Variants in RRM2B observed in about 807,000 individuals in gnomAD.
RRM2B encodes the protein ribonucleoside-diphosphate reductase subunit M2 B.
A neutral mutation model predicts 45.9 loss-of-function variants in RRM2B; 20 were observed. That is an observed-to-expected ratio of 0.44 (90% CI 0.31 to 0.63). The LOEUF (loss-of-function observed/expected upper bound fraction) is 0.63. Among genes scored for constraint, RRM2B ranks in the 30% least tolerant of loss-of-function variants. The pLI, the probability that RRM2B is intolerant of heterozygous loss-of-function variation, is 0.09. For synonymous variants in RRM2B, 124 were observed against 132.3 expected, an observed-to-expected ratio of 0.94 and a Z score of 0.43; for missense variants, 320 against 414.7, an observed-to-expected ratio of 0.77 and a Z score of 1.98.
intron 2 of RRM2B, among the ~76,000 whole-genome samples, chr8:102,230,424 CAAGAATCCT>C (rs1234341761): frequency 3.3e-5 from 5 of 152,168 alleles, no homozygotes; most frequent in African/African-American, 1.2e-4. Flanking sequence ...AAATGAATTT[CAAGAATCCT>C]AAGAATCCTA....
Position 102,214,081 on chromosome 8 carries a change from G to A in RRM2B, c.762C>T (p.Ile254=). 6.2e-7 allele frequency: 1 copy of A among 1,613,246 alleles called. No individual in the cohort carries two copies. Among genetic ancestry groups the A allele is most frequent in the Non-Finnish European group, 8.5e-7 (1 of 1,179,478 alleles). The change falls in exon 7 of 9, where the codon ATC becomes ATT. Residue 254 remains isoleucine (I), a synonymous_variant. Transcript: ENST00000251810. Reference sequence around the variant, plus strand: ...GCTCAATTTTGACAGCATCAACAATGATCTCCCTGACCCTTTCTTCTGAAG... The same window carrying A: ...GCTCAATTTTGACAGCATCAACAATAATCTCCCTGACCCTTTCTTCTGAAG... ...NKPSEERVRE[I]IVDAVKIEQE...
intron 5 of RRM2B, 184 bp from the exon 6 acceptor site, chr8:102,219,131 G>A (rs1298711185): frequency 3.2e-6 from 2 of 619,946 alleles, no homozygotes; most frequent in African/African-American, 3.7e-5. Flanking sequence ...GAGCAGAAAG[G>A]TATGCCTCCT....
chr8:102,216,966 T>C (rs903017360), intron 6 of RRM2B, among the ~76,000 whole-genome samples: 10 of 152,088 alleles, frequency 6.6e-5, no homozygotes, highest in African/African-American at 2.4e-4. Flanking sequence ...GAATGCTTTA[T>C]AACTTAGTAA....
rs1810567580 is a variant in RRM2B at position 102,207,687 on chromosome 8, T to C, written c.*446A>G. 1 of 155,578 alleles carries C rather than the reference T, an allele frequency of 6.4e-6. No individual in the cohort carries two copies. Among genetic ancestry groups the C allele is most frequent in the Non-Finnish European group, 1.4e-5 (1 of 70,112 alleles). The allele number at this position is 155,578 out of a possible 1,614,324, so 9.6% of individuals were successfully genotyped here. A position where few individuals can be genotyped will look rare whatever the true frequency, so the allele number is the denominator to read the frequency against. On this transcript the variant is annotated 3_prime_UTR_variant, in exon 9 of 9. Transcript: ENST00000251810. The stretch of plus-strand genomic sequence containing the variant: ...AATTAATATTATCAATGAATGATAA[T>C]TAGTAGTGGTGCTAACAGTAGTAGT...
At chr8:102,225,390 C>T (rs996077869) in intron 3 of RRM2B, among the ~76,000 whole-genome samples, 12 of 152,038 alleles carry the variant, frequency 7.9e-5, no homozygotes, top group Admixed American at 1.3e-4. Context: ...TGCGCCAACA[C>T]GCCCAGCTAA....
chr8:102,211,613 C>T (rs1426591194), intron 8 of RRM2B, among the ~76,000 whole-genome samples: 4 of 151,944 alleles, frequency 2.6e-5, no homozygotes, highest in East Asian at 1.9e-4. Context: ...TAAAGAATAG[C>T]GAATTCACTG....
chr8:102,211,140 T>C (rs1810628589), intron 8 of RRM2B, among the ~76,000 whole-genome samples: 1 of 146,508 alleles, frequency 6.8e-6, no homozygotes, highest in African/African-American at 2.4e-5. Context: ...GCTTCCCAAG[T>C]AACTGGGACT....
intron 4 of RRM2B, among the ~76,000 whole-genome samples, 174 bp downstream of exon 4, chr8:102,224,711 G>A (rs1810898544): frequency 6.6e-6 from 1 of 152,066 alleles, no homozygotes; most frequent in Admixed American, 6.5e-5. Context: ...AGGTTAACTG[G>A]TTCTATAACA....
chr8:102,238,882 A>T lies in RRM2B; in HGVS notation c.-8T>A. On this transcript the variant is annotated 5_prime_UTR_variant, in exon 1 of 9. Transcript: ENST00000251810. ...CCTTTCCGGGTCGCCCATCGCGCAG[A>T]CTCCGCCGAAGCTACGGGCGCTGAG... The T allele has an allele frequency of 6.2e-7, 1 of 1,610,636 alleles. No homozygotes were observed. The highest frequency in any genetic ancestry group is 1.1e-5 in the South Asian group (1 of 91,050).
chr8:102,213,739 A>T (rs1810674595), intron 7 of RRM2B, among the ~76,000 whole-genome samples: 1 of 149,692 alleles, frequency 6.7e-6, no homozygotes, highest in South Asian at 2.1e-4. Context: ...AGTCACTAAA[A>T]ATGTAAAAAA....
chr8:102,238,687 G>C (rs752632445), intron 1 of RRM2B, 140 bp downstream of exon 1: 1 of 1,550,732 alleles, frequency 6.4e-7, no homozygotes, highest in Admixed American at 1.9e-5. Context: ...TCGCAACGAC[G>C]AAGCCAGGCT....
chr8:102,219,116 T>A, intron 5 of RRM2B, 169 bp from the exon 6 acceptor site: 1 of 663,870 alleles, frequency 1.5e-6, no homozygotes, highest in Non-Finnish European at 2.6e-6. Flanking sequence ...CACCTCTACC[T>A]ACTGGAGCAG....
chr8:102,212,971 T>C, intron 7 of RRM2B, 82 bp from the exon 8 acceptor site: 1 of 764,196 alleles, frequency 1.3e-6, no homozygotes, highest in Non-Finnish European at 2.3e-6. Context: ...ACTTTCGTTT[T>C]ATTTCTAAGA....
chr8:102,218,393 C>G (rs1810768914), intron 6 of RRM2B, among the ~76,000 whole-genome samples: 1 of 152,130 alleles, frequency 6.6e-6, no homozygotes, highest in Admixed American at 6.5e-5. Flanking sequence ...TACCAGGATA[C>G]TCATGTCACC....
At chr8:102,236,174 G>A (rs1469382167) in intron 1 of RRM2B, among the ~76,000 whole-genome samples, 1 of 152,154 alleles carries the variant, frequency 6.6e-6, no homozygotes, top group African/African-American at 2.4e-5. Flanking sequence ...CAGACTAAGA[G>A]GTTAGGAATC....
chr8:102,213,151 G>C (rs929508959), intron 7 of RRM2B, among the ~76,000 whole-genome samples: 1 of 152,048 alleles, frequency 6.6e-6, no homozygotes, highest in African/African-American at 2.4e-5. Flanking sequence ...TGAAGTAGCA[G>C]ATATAAGACT....
At chr8:102,222,993 G>A (rs1237089955) in intron 5 of RRM2B, among the ~76,000 whole-genome samples, 1 of 152,026 alleles carries the variant, frequency 6.6e-6, no homozygotes. Flanking sequence ...AGGCACTTTG[G>A]AGTGCTCAAT....
chr8:102,225,822 G>A, intron 3 of RRM2B, 96 bp downstream of exon 3: 2 of 779,576 alleles, frequency 2.6e-6, no homozygotes, highest in Non-Finnish European at 4.6e-6. Flanking sequence ...TCATTTTTTA[G>A]ACATCTTGTC....
rs536874925 is a variant in RRM2B, at chr8:102,225,981, C to T, written c.258G>A (p.Lys86=). 11 of 1,612,982 alleles carry T rather than the reference C, an allele frequency of 6.8e-6. 1 individual carries two copies. Among genetic ancestry groups the T allele is most frequent in the East Asian group, 6.7e-5 (3 of 44,798 alleles). The part of the protein sequence containing the change: ...PHWNKLKADE[K]YFISHILAFF... Reference sequence around the variant, plus strand: ...AGGCTAAGATGTGAGAGATGAAGTACTTCTCATCTGCTTTAAGCTTGTTCC... The same window carrying T: ...AGGCTAAGATGTGAGAGATGAAGTATTTCTCATCTGCTTTAAGCTTGTTCC... The change falls in exon 3 of 9, where the codon AAG becomes AAA. Residue 86 remains lysine (K), a synonymous_variant. Transcript: ENST00000251810.
Sources: gnomAD v4.1 joint callset for allele counts (sites outside exome capture counted in the v4.1 genomes callset) on GRCh38, gnomAD v4.1.1 for gene constraint, MANE v1.5 for transcripts, NCBI Gene and HGNC (gene_info 2026-07-23, HGNC 2026-07-21) for gene names.